COMMD7: variants seen among roughly 807,000 people sequenced by gnomAD.
The protein encoded by COMMD7 is COMM domain-containing protein 7.
COMMD7 carries 28 observed loss-of-function variants against 34.8 expected under a neutral mutation model. That is an observed-to-expected ratio of 0.80 (90% CI 0.60 to 1.10). The LOEUF is 1.10. Among genes scored for constraint, COMMD7 ranks in the 50% least tolerant of loss-of-function variants. COMMD7 has a pLI of 0.00. For missense variants in COMMD7, 211 were observed against 241.6 expected, an observed-to-expected ratio of 0.87 and a Z score of 0.84; for synonymous variants, 80 against 86.4, an observed-to-expected ratio of 0.93 and a Z score of 0.41.
rs1367949555 is a variant in COMMD7, at chr20:32,705,013, G to A, written c.337-109C>T. The A allele has an allele frequency of 6.4e-6, 5 of 777,818 alleles. No individual in the cohort carries two copies. In the African/African-American group the frequency reaches 8.6e-5, roughly 13 times the overall value. The allele number at this position is 777,818 out of a possible 1,614,324, so 48.2% of individuals were successfully genotyped here. On this transcript the variant is annotated intron_variant, in intron 5 of 8. Transcript: ENST00000278980. The stretch of plus-strand genomic sequence containing the variant: ...CATTGACACAGATAGTGGGGAGGGT[G>A]CAGAAGATAGTGGGGAGGGTGCAGA...
chr20:32,743,225 CACCCCCGGACGT>C, intron 1 of COMMD7, 71 bp downstream of exon 1: 14 of 977,010 alleles, frequency 1.4e-5, no homozygotes, highest in East Asian at 6.9e-5. Context: ...AACTCCCGCG[CACCCCCGGACGT>C]CCCCCCCACC....
chr20:32,718,083 C>CCT (rs1359200210), intron 3 of COMMD7, among the ~76,000 whole-genome samples: 2 of 99,156 alleles, frequency 2.0e-5, no homozygotes, highest in Admixed American at 1.9e-4. Context: ...AGCGAGACTG[C>CCT]CTCTCAAAAA....
intron 3 of COMMD7, among the ~76,000 whole-genome samples, chr20:32,722,446 C>T (rs1024795065): frequency 1.4e-4 from 21 of 151,942 alleles, no homozygotes; most frequent in South Asian, 6.2e-4. Context: ...TCGTTCTGGC[C>T]GGGTGTGATG....
At chr20:32,727,829 C>T in intron 3 of COMMD7, 64 bp downstream of exon 3, 1 of 1,331,710 alleles carries the variant, frequency 7.5e-7, no homozygotes, top group Non-Finnish European at 1.1e-6. Flanking sequence ...TTCAATGACT[C>T]CATGGACTAA....
At chr20:32,725,431 G>GTTT (rs56381432) in intron 3 of COMMD7, among the ~76,000 whole-genome samples, 23,912 of 129,800 alleles carry the variant, frequency 0.18, 3,127 homozygotes, top group Non-Finnish European at 0.25. Flanking sequence ...ACTGTGTTTT[G>GTTT]TTTTTTTTTT....
At chr20:32,734,467 G>A (rs577838564) in intron 1 of COMMD7, among the ~76,000 whole-genome samples, 43 of 151,536 alleles carry the variant, frequency 2.8e-4, no homozygotes, top group South Asian at 8.3e-4. Context: ...GCTTGACTCC[G>A]TCTCAAAACC....
chr20:32,715,218 T>C (rs771644413), intron 3 of COMMD7, among the ~76,000 whole-genome samples: 58 of 149,952 alleles, frequency 3.9e-4, no homozygotes, highest in Non-Finnish European at 3.0e-4. Flanking sequence ...GCTAGGTGGC[T>C]CATGCCTATA....
At chr20:32,743,205 A>T in intron 1 of COMMD7, 103 bp downstream of exon 1, 2 of 944,432 alleles carry the variant, frequency 2.1e-6, no homozygotes, top group Non-Finnish European at 1.5e-6. Flanking sequence ...CGCTCTGTCT[A>T]GTCTCTCCCA....
intron 1 of COMMD7, among the ~76,000 whole-genome samples, chr20:32,736,997 A>G (rs968990679): frequency 6.6e-6 from 1 of 151,876 alleles, no homozygotes; most frequent in African/African-American, 2.4e-5. Context: ...CCTGACCAAC[A>G]TGGTGAAACC....
intron 3 of COMMD7, among the ~76,000 whole-genome samples, chr20:32,709,260 C>A (rs1306517907): frequency 6.6e-6 from 1 of 151,810 alleles, no homozygotes; most frequent in African/African-American, 2.4e-5. Flanking sequence ...CGTGGCAAAA[C>A]CCCGTCTCTA....
chr20:32,733,951 C>T (rs115946731), intron 1 of COMMD7, among the ~76,000 whole-genome samples: 4,417 of 149,710 alleles, frequency 0.03, 74 homozygotes, highest in Middle Eastern at 0.04. Context: ...GGCCGAGGCG[C>T]GCAGATCATG....
At chr20:32,703,845 A>C (rs748798494) in intron 8 of COMMD7, 178 bp downstream of exon 8, 51 of 1,545,046 alleles carry the variant, frequency 3.3e-5, no homozygotes, top group Middle Eastern at 1.7e-4. Flanking sequence ...CCAACCTGCC[A>C]GTGGCTTTCT....
rs573402890 is a variant in COMMD7 at position 32,734,245 on chromosome 20, C to T, written c.85-6103G>A. 9.4e-5 allele frequency among the ~76,000 whole-genome samples: 14 copies of T among 149,556 alleles called. No homozygotes were observed. The East Asian group carries it at 2.6e-3, about 28-fold the overall frequency. On this transcript the variant is annotated intron_variant, in intron 1 of 8. Transcript: ENST00000278980. Reference sequence around the variant, plus strand: ...ATCCCAGCACTTTGGGAGGCCAAGGCGGGTGGATCACAAGGTCAGGAGTTC... The same window carrying T: ...ATCCCAGCACTTTGGGAGGCCAAGGTGGGTGGATCACAAGGTCAGGAGTTC...
intron 3 of COMMD7, among the ~76,000 whole-genome samples, chr20:32,719,731 T>C (rs1985040971): frequency 6.6e-6 from 1 of 152,162 alleles, no homozygotes; most frequent in African/African-American, 2.4e-5. Context: ...ATACTCATTA[T>C]TAGGTAAAAG....
At chr20:32,712,512 A>T (rs1276091562) in intron 3 of COMMD7, among the ~76,000 whole-genome samples, 4 of 141,046 alleles carry the variant, frequency 2.8e-5, no homozygotes, top group African/African-American at 1.0e-4. Context: ...GTCTCAAATT[A>T]AAAAAAAAAA....
intron 1 of COMMD7, among the ~76,000 whole-genome samples, chr20:32,729,055 C>T (rs6058834): frequency 0.69 from 104,304 of 151,986 alleles, 36,563 homozygotes; most frequent in Middle Eastern, 0.82. Context: ...TATATTGAAG[C>T]CCTAACTTCC....
intron 3 of COMMD7, among the ~76,000 whole-genome samples, chr20:32,715,349 G>A (rs1347571329): frequency 6.8e-6 from 1 of 147,514 alleles, no homozygotes; most frequent in Non-Finnish European, 1.5e-5. Context: ...CGGGAGTGGT[G>A]GCATGCACTT....
intron 1 of COMMD7, among the ~76,000 whole-genome samples, chr20:32,737,557 A>G (rs1986205524): frequency 6.6e-6 from 1 of 151,704 alleles, no homozygotes; most frequent in African/African-American, 2.4e-5. Context: ...CTCTGGGTGT[A>G]ATGGCTCACA....
Position 32,703,086 on chromosome 20 carries a change from A to T in COMMD7, c.*296T>A. 1 of 288,696 alleles carries T rather than the reference A, an allele frequency of 3.5e-6. No homozygotes were observed. The highest frequency in any genetic ancestry group is 1.0e-3 in the Middle Eastern group (1 of 974). The allele number at this position is 288,696 out of a possible 1,614,324, so 17.9% of individuals were successfully genotyped here. ...TCTGGAACTTTGAAGGGGAGGTGAC[A>T]ACTTATTTTCTCCCCTGAATCTGAG... On this transcript the variant is annotated 3_prime_UTR_variant, in exon 9 of 9. Transcript: ENST00000278980.
Sources: gnomAD v4.1 joint callset for allele counts (sites outside exome capture counted in the v4.1 genomes callset) on GRCh38, gnomAD v4.1.1 for gene constraint, MANE v1.5 for transcripts, NCBI Gene and HGNC (gene_info 2026-07-23, HGNC 2026-07-21) for gene names.